The following ST6GALNAC3 variants were observed in gnomAD, a reference collection of about 807,000 sequenced individuals.
ST6GALNAC3 encodes alpha-N-acetylgalactosaminide alpha-2,6-sialyltransferase 3.
ST6GALNAC3 carries 25 observed loss-of-function variants against 32.7 expected under a neutral mutation model. That is an observed-to-expected ratio of 0.76 (90% CI 0.56 to 1.07). The LOEUF (loss-of-function observed/expected upper bound fraction) is 1.07. Among genes scored for constraint, ST6GALNAC3 ranks in the 50% least tolerant of loss-of-function variants. The pLI is 0.00. For missense variants in ST6GALNAC3, 355 were observed against 382.4 expected (o/e 0.93, Z 0.60); for synonymous variants, 129 against 133.1 (o/e 0.97, Z 0.21).
chr1:76,468,821 C>T (rs1362165802), intron 3 of ST6GALNAC3, among the ~76,000 whole-genome samples: 3 of 151,932 alleles, frequency 2.0e-5, no homozygotes, highest in Non-Finnish European at 4.4e-5. Flanking sequence ...AATTTCTCCT[C>T]AACTTTTTAT....
intron 3 of ST6GALNAC3, among the ~76,000 whole-genome samples, chr1:76,516,908 T>C (rs901486904): frequency 7.2e-5 from 11 of 152,016 alleles, no homozygotes; most frequent in Non-Finnish European, 1.5e-4. Context: ...CTTTTAACTT[T>C]GTTCACTGTA....
intron 1 of ST6GALNAC3, among the ~76,000 whole-genome samples, chr1:76,108,720 C>T (rs569078501): frequency 5.3e-5 from 8 of 152,172 alleles, no homozygotes; most frequent in South Asian, 2.1e-4. Context: ...TTAAATCCCT[C>T]GATCGAAACA....
At chr1:76,535,202 A>G (rs1264723355) in intron 3 of ST6GALNAC3, among the ~76,000 whole-genome samples, 1 of 152,178 alleles carries the variant, frequency 6.6e-6, no homozygotes, top group African/African-American at 2.4e-5. Context: ...TACTACCTGT[A>G]AAGAGCTTAG....
intron 2 of ST6GALNAC3, among the ~76,000 whole-genome samples, chr1:76,397,096 C>T (rs1044902576): frequency 5.9e-5 from 9 of 151,796 alleles, no homozygotes; most frequent in South Asian, 4.2e-4. Context: ...ATTATTCAAA[C>T]GAGAAAGGGA....
At chr1:76,571,428 G>T (rs891768557) in intron 3 of ST6GALNAC3, among the ~76,000 whole-genome samples, 8 of 151,938 alleles carry the variant, frequency 5.3e-5, no homozygotes, top group Admixed American at 4.6e-4. Flanking sequence ...TAATCCTTGT[G>T]CCAGTTGAAA....
At chr1:76,213,177 G>T (rs539306101) in intron 1 of ST6GALNAC3, among the ~76,000 whole-genome samples, 1 of 152,292 alleles carries the variant, frequency 6.6e-6, no homozygotes. Flanking sequence ...GGGCCATGGG[G>T]TTGGATTCTG....
At chr1:76,200,625 G>A (rs1244780396) in intron 1 of ST6GALNAC3, among the ~76,000 whole-genome samples, 1 of 152,156 alleles carries the variant, frequency 6.6e-6, no homozygotes, top group East Asian at 1.9e-4. Flanking sequence ...GATAATATTG[G>A]ATGGTTTTGG....
At chr1:76,113,165 G>C (rs1024475201) in intron 1 of ST6GALNAC3, among the ~76,000 whole-genome samples, 1 of 152,040 alleles carries the variant, frequency 6.6e-6, no homozygotes, top group East Asian at 1.9e-4. Context: ...GCGAAACCCC[G>C]TCTCCACCAA....
At chr1:76,394,406 T>A (rs1237084489) in intron 2 of ST6GALNAC3, among the ~76,000 whole-genome samples, 4 of 152,246 alleles carry the variant, frequency 2.6e-5, no homozygotes, top group Non-Finnish European at 4.4e-5. Flanking sequence ...ACTTTCAAAG[T>A]CCTGGTACTA....
intron 2 of ST6GALNAC3, among the ~76,000 whole-genome samples, chr1:76,342,482 T>C (rs1247424286): frequency 2.6e-5 from 4 of 152,206 alleles, no homozygotes; most frequent in Non-Finnish European, 5.9e-5. Context: ...TTTTTTTTCA[T>C]ATGTTTGTTG....
chr1:76,194,685 A>G (rs967251047), intron 1 of ST6GALNAC3, among the ~76,000 whole-genome samples: 6 of 152,264 alleles, frequency 3.9e-5, no homozygotes, highest in Non-Finnish European at 8.8e-5. Context: ...GTATTGGTAA[A>G]AGTAGATGAA....
At chr1:76,183,480 G>C (rs1181514511) in intron 1 of ST6GALNAC3, among the ~76,000 whole-genome samples, 1 of 151,942 alleles carries the variant, frequency 6.6e-6, no homozygotes, top group South Asian at 2.1e-4. Context: ...ATGTGTAAGT[G>C]GATGTAGACA....
chr1:76,494,902 G>T (rs991169810), intron 3 of ST6GALNAC3, among the ~76,000 whole-genome samples: 4 of 152,068 alleles, frequency 2.6e-5, no homozygotes, highest in African/African-American at 9.7e-5. Context: ...AGGCTGGCAG[G>T]CTTGAGACTC....
intron 3 of ST6GALNAC3, among the ~76,000 whole-genome samples, chr1:76,449,514 T>C (rs181615466): frequency 6.6e-6 from 1 of 152,310 alleles, no homozygotes; most frequent in Non-Finnish European, 1.5e-5. Flanking sequence ...CTGTATAAGT[T>C]TGCATCCCTA....
At chr1:76,481,206 G>A (rs958513985) in intron 3 of ST6GALNAC3, among the ~76,000 whole-genome samples, 6 of 152,136 alleles carry the variant, frequency 3.9e-5, no homozygotes, top group Non-Finnish European at 5.9e-5. Flanking sequence ...CATTCATCAA[G>A]AAAATAGGCC....
chr1:76,472,323 A>G (rs1254502319), intron 3 of ST6GALNAC3, among the ~76,000 whole-genome samples: 1 of 152,048 alleles, frequency 6.6e-6, no homozygotes, highest in Non-Finnish European at 1.5e-5. Flanking sequence ...TTTTCTTTTC[A>G]GTTTTCCTCT....
At chr1:76,491,576 A>G (rs1287349947) in intron 3 of ST6GALNAC3, among the ~76,000 whole-genome samples, 1 of 152,118 alleles carries the variant, frequency 6.6e-6, no homozygotes, top group Non-Finnish European at 1.5e-5. Flanking sequence ...CCTTGTTTGT[A>G]GGCCTGTGTT....
chr1:76,156,636 T>C (rs1276010010), intron 1 of ST6GALNAC3, among the ~76,000 whole-genome samples: 2 of 152,196 alleles, frequency 1.3e-5, no homozygotes, highest in African/African-American at 4.8e-5. Flanking sequence ...TTGAGGTGTT[T>C]CTTTCTTGCT....
At chr1:76,499,529 G>C (rs572773755) in intron 3 of ST6GALNAC3, among the ~76,000 whole-genome samples, 2 of 151,934 alleles carry the variant, frequency 1.3e-5, no homozygotes, top group Non-Finnish European at 2.9e-5. Context: ...CCACGTTCTC[G>C]GTTCTACTCA....
Sources: allele counts gnomAD v4.1 joint callset (sites outside exome capture counted in the v4.1 genomes callset), GRCh38; gene constraint gnomAD v4.1.1; transcripts MANE v1.5; gene names NCBI Gene and HGNC (gene_info 2026-07-23, HGNC 2026-07-21).